Variants in CCDC68 observed in about 807,000 individuals in gnomAD.
CCDC68 encodes coiled-coil domain-containing protein 68.
A neutral mutation model predicts 47.1 loss-of-function variants in CCDC68; 45 were observed. That is an observed-to-expected ratio of 0.96 (90% CI 0.75 to 1.23). CCDC68 has a LOEUF of 1.23. Ranked by LOEUF, CCDC68 falls within the 50% of genes most tolerant of loss-of-function variation. The probability of loss-of-function intolerance (pLI) is 0.00; values close to 1 mark genes in which losing one functional copy is unlikely to be tolerated. For missense variants in CCDC68, 353 were observed against 373.6 expected, an observed-to-expected ratio of 0.94 and a Z score of 0.45; for synonymous variants, 131 against 129.5, an observed-to-expected ratio of 1.01 and a Z score of -0.08.
intron 10 of CCDC68, among the ~76,000 whole-genome samples, chr18:54,910,609 G>T (rs906941704): frequency 6.6e-6 from 1 of 152,222 alleles, no homozygotes; most frequent in East Asian, 1.9e-4. Flanking sequence ...TTCTGCCCAG[G>T]AGCCTGTCTG....
At chr18:54,919,140 G>A (rs978753449) in intron 9 of CCDC68, 131 bp downstream of exon 9, 17 of 688,162 alleles carry the variant, frequency 2.5e-5, no homozygotes, top group African/African-American at 7.0e-5. Context: ...CATATTGCAT[G>A]AGAAACAAAA....
intron 4 of CCDC68, among the ~76,000 whole-genome samples, chr18:54,938,570 A>G (rs567262581): frequency 6.6e-6 from 1 of 152,382 alleles, no homozygotes; most frequent in East Asian, 1.9e-4. Context: ...GAACTGAATG[A>G]CACTGCCATT....
chr18:54,946,293 A>G (rs796549169), intron 1 of CCDC68, among the ~76,000 whole-genome samples: 64 of 152,358 alleles, frequency 4.2e-4, no homozygotes, highest in African/African-American at 1.5e-3. Flanking sequence ...CGTGGCAGGC[A>G]ACGCCTAAAA....
chr18:54,907,698 C>A, intron 11 of CCDC68, 88 bp downstream of exon 11: 1 of 754,438 alleles, frequency 1.3e-6, no homozygotes, highest in Non-Finnish European at 2.4e-6. Context: ...TAAGCAGTGA[C>A]AGACTGGAAT....
chr18:54,950,969 C>A (rs1262275409), intron 1 of CCDC68, among the ~76,000 whole-genome samples: 1 of 119,074 alleles, frequency 8.4e-6, no homozygotes, highest in Non-Finnish European at 1.6e-5. Flanking sequence ...AGTGCAGTGG[C>A]GCGATCTCGG....
At chr18:54,913,685 C>T (rs954632210) in intron 10 of CCDC68, among the ~76,000 whole-genome samples, 10 of 151,700 alleles carry the variant, frequency 6.6e-5, no homozygotes, top group East Asian at 3.9e-4. Flanking sequence ...TGGTGGTGTG[C>T]GCCTGTATTC....
At position 54,914,483 on chromosome 18, in the gene CCDC68, C is replaced by T. The variant is rs115319381; in HGVS notation, c.873+3430G>A. Among the ~76,000 whole-genome samples, 1,019 of 151,880 alleles carry T rather than the reference C, an allele frequency of 6.7e-3. 12 individuals carry two copies. The highest frequency in any genetic ancestry group is 0.023 in the African/African-American group (969 of 41,406). ...AAATACAAAAATTAGTCAGGTGTGG[C>T]GGTGGGCACTTGTAATCCCATCTAT... On this transcript the variant is annotated intron_variant, in intron 10 of 11. Coordinates refer to ENST00000591504, the MANE Select transcript of CCDC68 (RefSeq NM_025214.3).
intron 4 of CCDC68, among the ~76,000 whole-genome samples, chr18:54,939,875 A>G (rs546249676): frequency 1.0e-3 from 153 of 151,940 alleles, no homozygotes; most frequent in African/African-American, 3.6e-3. Context: ...AGATTTTGCC[A>G]TGATAATCTA....
intron 8 of CCDC68, among the ~76,000 whole-genome samples, chr18:54,919,943 G>A (rs1306043288): frequency 1.3e-5 from 2 of 152,158 alleles, no homozygotes; most frequent in African/African-American, 4.8e-5. Flanking sequence ...GGGAAAAAAG[G>A]AGAAGAAAGG....
intron 1 of CCDC68, among the ~76,000 whole-genome samples, chr18:54,953,953 G>T: frequency 6.8e-6 from 1 of 146,026 alleles, no homozygotes; most frequent in Non-Finnish European, 1.5e-5. Flanking sequence ...ACTTATTCAG[G>T]GCCTGAAACA....
intron 10 of CCDC68, 82 bp from the exon 11 acceptor site, chr18:54,907,944 C>T: frequency 1.2e-6 from 1 of 801,500 alleles, no homozygotes; most frequent in Non-Finnish European, 2.2e-6. Flanking sequence ...CAACCCAACA[C>T]CTGCCTCACT....
chr18:54,916,586 C>T (rs962807028), intron 10 of CCDC68, among the ~76,000 whole-genome samples: 12 of 152,008 alleles, frequency 7.9e-5, no homozygotes, highest in African/African-American at 2.2e-4. Context: ...GTGGGTGATG[C>T]GCCATTTGAC....
chr18:54,935,817 C>T (rs1599069755), intron 6 of CCDC68, among the ~76,000 whole-genome samples: 1 of 152,102 alleles, frequency 6.6e-6, no homozygotes, highest in Non-Finnish European at 1.5e-5. Context: ...CACCTGGGTG[C>T]CCCAAACTAT....
intron 1 of CCDC68, among the ~76,000 whole-genome samples, chr18:54,952,902 A>T (rs1009871105): frequency 2.6e-5 from 4 of 152,084 alleles, no homozygotes; most frequent in Non-Finnish European, 5.9e-5. Flanking sequence ...AATCACAGCT[A>T]CTCAGGAGGC....
In CCDC68 at chr18:54,917,926, A is replaced by G; in HGVS notation, c.860T>C (p.Ile287Thr). The change falls in exon 10 of 12, where the codon ATA becomes ACA. Residue 287 changes from isoleucine to threonine, a missense_variant. Transcript: ENST00000591504. ...TTCCCTCCTTACCTGGGCTTCAAGT[A>G]TGTTAACCTTTTCTCTGAGATTTTC... ...RIENLREKVN[I>T]LEAQNKELKT... 1.9e-6 allele frequency: 3 copies of G among 1,571,856 alleles called. No homozygotes were observed. The highest frequency in any genetic ancestry group is 2.6e-6 in the Non-Finnish European group (3 of 1,144,696).
chr18:54,935,283 A>T (rs2044325436), intron 6 of CCDC68, among the ~76,000 whole-genome samples: 1 of 152,240 alleles, frequency 6.6e-6, no homozygotes, highest in Admixed American at 6.5e-5. Flanking sequence ...CAGAACAAAA[A>T]AAACCTTACA....
intron 1 of CCDC68, among the ~76,000 whole-genome samples, chr18:54,947,811 A>C (rs1237502949): frequency 6.6e-6 from 1 of 152,222 alleles, no homozygotes; most frequent in Non-Finnish European, 1.5e-5. Context: ...GCTATGAAGG[A>C]AAAATTGCTT....
chr18:54,942,444 A>G (rs2044453569), intron 3 of CCDC68, among the ~76,000 whole-genome samples: 1 of 152,168 alleles, frequency 6.6e-6, no homozygotes, highest in South Asian at 2.1e-4. Context: ...CCATTATTCA[A>G]TTTTACTGAG....
chr18:54,940,859 T>C, intron 4 of CCDC68, 138 bp downstream of exon 4: 1 of 614,296 alleles, frequency 1.6e-6, no homozygotes, highest in Non-Finnish European at 2.9e-6. Context: ...TTCACACATA[T>C]GGCCATTAAC....
Sources: allele counts gnomAD v4.1 joint callset (sites outside exome capture counted in the v4.1 genomes callset), GRCh38; gene constraint gnomAD v4.1.1; transcripts MANE v1.5; gene names NCBI Gene and HGNC (gene_info 2026-07-23, HGNC 2026-07-21).